Variants in LOC128462377 observed in about 807,000 individuals in gnomAD.
the LOC128462377 span, among the ~76,000 whole-genome samples, chr16:89,369,377 C>T: frequency 2.0e-5 from 3 of 152,206 alleles, no homozygotes; most frequent in Non-Finnish European, 4.4e-5. Flanking sequence ...GTGCATGACC[C>T]GCATGACCCT....
the LOC128462377 span, among the ~76,000 whole-genome samples, chr16:89,394,549 A>C: frequency 6.6e-6 from 1 of 151,286 alleles, no homozygotes; most frequent in East Asian, 1.9e-4. Context: ...AATCGCTTGA[A>C]CCCAGGAGGC....
the LOC128462377 span, among the ~76,000 whole-genome samples, chr16:89,342,349 T>A: frequency 6.6e-6 from 1 of 152,242 alleles, no homozygotes; most frequent in South Asian, 2.1e-4. Context: ...CCATTTCACC[T>A]GAGAGTCGGA....
At chr16:89,350,477 A>G in the LOC128462377 span, among the ~76,000 whole-genome samples, 1 of 152,244 alleles carries the variant, frequency 6.6e-6, no homozygotes, top group African/African-American at 2.4e-5. Flanking sequence ...AAAGCTACTC[A>G]GTAAACTACT....
At chr16:89,393,268 A>C in the LOC128462377 span, among the ~76,000 whole-genome samples, 1 of 152,016 alleles carries the variant, frequency 6.6e-6, no homozygotes, top group African/African-American at 2.4e-5. Context: ...AGTCCACTGT[A>C]CACATTAAAC....
chr16:89,418,227 A>C, the LOC128462377 span: 1 of 448,770 alleles, frequency 2.2e-6, no homozygotes, highest in Non-Finnish European at 4.5e-6. Context: ...TTTGATACTT[A>C]TTTTTACAAA....
the LOC128462377 span, among the ~76,000 whole-genome samples, chr16:89,415,702 C>T: frequency 6.6e-6 from 1 of 151,280 alleles, no homozygotes; most frequent in South Asian, 2.1e-4. Context: ...GTGGTGGGTA[C>T]CTGTAATCCC....
At chr16:89,381,130 C>A in the LOC128462377 span, among the ~76,000 whole-genome samples, 1 of 151,976 alleles carries the variant, frequency 6.6e-6, no homozygotes, top group South Asian at 2.1e-4. Context: ...TGAGACCAGC[C>A]CGGCCAACAT....
At chr16:89,408,425 G>A in the LOC128462377 span, among the ~76,000 whole-genome samples, 1 of 152,238 alleles carries the variant, frequency 6.6e-6, no homozygotes, top group Non-Finnish European at 1.5e-5. Context: ...AGGATGGCAG[G>A]TACACAGGCC....
At chr16:89,382,081 G>C in the LOC128462377 span, among the ~76,000 whole-genome samples, 17 of 152,208 alleles carry the variant, frequency 1.1e-4, no homozygotes, top group Non-Finnish European at 1.6e-4. Context: ...ATGGGGCCCA[G>C]GCAGGCGCCA....
At chr16:89,416,784 TAAAA>T in the LOC128462377 span, among the ~76,000 whole-genome samples, 19 of 151,108 alleles carry the variant, frequency 1.3e-4, no homozygotes, top group African/African-American at 3.9e-4. Context: ...AAAAAAAAAT[TAAAA>T]AAAGAAAATG....
chr16:89,392,275 T>A, the LOC128462377 span: 1 of 152,282 alleles, frequency 6.6e-6, no homozygotes, highest in Non-Finnish European at 1.5e-5. Flanking sequence ...CTGAGGAAAT[T>A]AAATTTACGT....
chr16:89,325,868 C>T, the LOC128462377 span, among the ~76,000 whole-genome samples: 1 of 152,170 alleles, frequency 6.6e-6, no homozygotes, highest in East Asian at 1.9e-4. Flanking sequence ...GGAAGGAGGG[C>T]CCCATCGCCC....
At chr16:89,374,826 G>T in the LOC128462377 span, among the ~76,000 whole-genome samples, 1 of 152,088 alleles carries the variant, frequency 6.6e-6, no homozygotes, top group Admixed American at 6.6e-5. Flanking sequence ...GCTGCACACG[G>T]CAAGTCACCC....
the LOC128462377 span, among the ~76,000 whole-genome samples, chr16:89,409,667 C>A: frequency 0.021 from 3,177 of 152,238 alleles, 75 homozygotes; most frequent in East Asian, 0.11. Context: ...CACACACACA[C>A]GAAAACTGGT....
At chr16:89,339,958 T>C in the LOC128462377 span, 3 of 152,226 alleles carry the variant, frequency 2.0e-5, no homozygotes, top group Non-Finnish European at 1.5e-5. Flanking sequence ...CTTCAAGTTG[T>C]GCTCTGGGGT....
At chr16:89,339,060 G>A in the LOC128462377 span, among the ~76,000 whole-genome samples, 1 of 152,154 alleles carries the variant, frequency 6.6e-6, no homozygotes, top group African/African-American at 2.4e-5. Flanking sequence ...CTCTAAACCA[G>A]GAGGACAGAC....
At chr16:89,320,862 C>T in the LOC128462377 span, among the ~76,000 whole-genome samples, 52 of 152,384 alleles carry the variant, frequency 3.4e-4, no homozygotes, top group South Asian at 6.6e-3. Context: ...CCCTGCAGCC[C>T]AGAGGGGCTC....
chr16:89,380,652 C>T, the LOC128462377 span, among the ~76,000 whole-genome samples: 1 of 152,206 alleles, frequency 6.6e-6, no homozygotes, highest in Non-Finnish European at 1.5e-5. Context: ...AGACAGGCTT[C>T]TAGATCTGCA....
At chr16:89,338,726 C>CAAAAAAA in the LOC128462377 span, among the ~76,000 whole-genome samples, 12 of 43,798 alleles carry the variant, frequency 2.7e-4, 1 homozygote, top group African/African-American at 7.1e-4. Context: ...CACTCAGTCT[C>CAAAAAAA]AAAAAAAAAA....
Sources: gnomAD v4.1 joint callset for allele counts (sites outside exome capture counted in the v4.1 genomes callset) on GRCh38, gnomAD v4.1.1 for gene constraint, MANE v1.5 for transcripts.